ZSWIM2: variants seen among roughly 807,000 people sequenced by gnomAD.
ZSWIM2 encodes the protein zinc finger SWIM-type containing 2.
Under a neutral mutation model 48.4 loss-of-function variants are expected in ZSWIM2, and 38 were observed. That is an observed-to-expected ratio of 0.79 (90% CI 0.61 to 1.03). ZSWIM2 has a LOEUF of 1.03. ZSWIM2 is among the 50% of genes least tolerant of loss of function. The pLI is 0.00. For missense variants in ZSWIM2, 776 were observed against 730.2 expected (o/e 1.06, Z -0.72); for synonymous variants, 240 against 251.3 (o/e 0.96, Z 0.42).
intron 2 of ZSWIM2, 62 bp from the exon 3 acceptor site, chr2:186,844,819 T>C (rs1212625892): frequency 1.5e-6 from 2 of 1,316,638 alleles, no homozygotes; most frequent in East Asian, 5.1e-5. Flanking sequence ...TCAAAAGACA[T>C]TTAAAAATAT....
At position 186,848,986 on chromosome 2, in the gene ZSWIM2, G is replaced by T. The variant is rs781669313; in HGVS notation, c.145C>A (p.Pro49Thr). Residue 49 changes from proline (P) to threonine (T), a missense_variant, in exon 1 of 9, where the codon CCG (proline) becomes ACG (threonine). Coordinates refer to ENST00000295131, the MANE Select transcript of ZSWIM2 (RefSeq NM_182521.3). ...PTGFLLREEE[P>T]EYMDFRVFLG... The stretch of plus-strand genomic sequence containing the variant: ...GTTACTCGGAAATCCATGTATTCCG[G>T]CTCCTCCTCCCTCAGCAGGAAGCCA... The T allele has an allele frequency of 6.2e-7, 1 of 1,614,086 alleles. No individual in the cohort carries two copies. The highest frequency in any genetic ancestry group is 1.3e-5 in the African/African-American group (1 of 75,014).
chr2:186,835,593 A>G (rs1691779812), intron 5 of ZSWIM2, among the ~76,000 whole-genome samples: 1 of 152,174 alleles, frequency 6.6e-6, no homozygotes, highest in Non-Finnish European at 1.5e-5. Context: ...GCATCTCTGT[A>G]TTTTAACATA....
In ZSWIM2 at chr2:186,834,012, T is replaced by C. The variant is rs1421995268; in HGVS notation, c.762A>G (p.Glu254=). ...CAAAACATTCCTGGCATAAGTGATA[T>C]TCTATGCATTCGGTACACCTAAAAA... is the stretch of plus-strand genomic sequence containing the variant. ...GKCYKCTECI[E]YHLCQECFDS... Residue 254 remains glutamate (E), a synonymous_variant, in exon 6 of 9, where the codon GAA becomes GAG. Transcript: ENST00000295131. 6.2e-6 allele frequency: 10 copies of C among 1,611,598 alleles called. No individual in the cohort carries two copies. Among genetic ancestry groups the C allele is most frequent in the Non-Finnish European group, 8.5e-6 (10 of 1,178,366 alleles).
intron 2 of ZSWIM2, among the ~76,000 whole-genome samples, chr2:186,847,291 C>T (rs1339633941): frequency 6.6e-6 from 1 of 152,014 alleles, no homozygotes; most frequent in Admixed American, 6.6e-5. Context: ...AAGGTGAACA[C>T]TTTCAACCTA....
chr2:186,837,455 C>G lies in ZSWIM2; in HGVS notation c.594G>C (p.Arg198Ser). 10 of 1,612,654 alleles carry G rather than the reference C, an allele frequency of 6.2e-6. No homozygotes were observed. The highest frequency in any genetic ancestry group is 7.6e-6 in the Non-Finnish European group (9 of 1,179,208). The change falls in exon 5 of 9, where the codon AGG (arginine) becomes AGC (serine). Residue 198 changes from arginine to serine, a missense_variant. Coordinates refer to ENST00000295131, the MANE Select transcript of ZSWIM2 (RefSeq NM_182521.3). Reference protein sequence around the residue: ...NTSMLKCPLCRKEFAPLKLIL... With the variant: ...NTSMLKCPLCSKEFAPLKLIL... ...TCAGTTTTAATGGTGCAAACTCTTT[C>G]CTGCACAGAGGACATTTCAACATGG...
intron 3 of ZSWIM2, among the ~76,000 whole-genome samples, chr2:186,844,411 A>G (rs1691958540): frequency 6.6e-6 from 1 of 151,656 alleles, no homozygotes; most frequent in Non-Finnish European, 1.5e-5. Context: ...TTTTAGACAC[A>G]GAAACCACTG....
In ZSWIM2 at chr2:186,838,949, A is replaced by T. The variant is rs757647707; in HGVS notation, c.494+10T>A. The T allele has an allele frequency of 1.7e-5, 27 of 1,598,508 alleles. No individual in the cohort carries two copies. The highest frequency in any genetic ancestry group is 2.3e-5 in the Non-Finnish European group (27 of 1,172,986). ...ATTAGTTTTAAGAATCTAAAGAAAA[A>T]GTACATCACCTGCAAAAGGTGACAG... On this transcript the variant is annotated intron_variant, in intron 4 of 8. Coordinates refer to ENST00000295131, the MANE Select transcript of ZSWIM2 (RefSeq NM_182521.3).
chr2:186,841,710 T>A (rs1378218646), intron 3 of ZSWIM2, among the ~76,000 whole-genome samples: 1 of 151,292 alleles, frequency 6.6e-6, no homozygotes, highest in South Asian at 2.1e-4. Context: ...ACAGAGATTA[T>A]ATAGCATGAA....
At chr2:186,833,098 T>C (rs199926767) in intron 7 of ZSWIM2, 22 bp downstream of exon 7, 2 of 1,141,190 alleles carry the variant, frequency 1.8e-6, no homozygotes, top group East Asian at 2.6e-5. Context: ...ACAACAAATA[T>C]AAAATTTACT....
intron 3 of ZSWIM2, among the ~76,000 whole-genome samples, chr2:186,840,179 G>A (rs889219226): frequency 1.3e-5 from 2 of 151,370 alleles, no homozygotes; most frequent in Non-Finnish European, 3.0e-5. Context: ...ATTACTTTGC[G>A]GAAGAAGGGC....
intron 7 of ZSWIM2, among the ~76,000 whole-genome samples, chr2:186,830,387 GA>G (rs572611476): frequency 8.6e-5 from 13 of 151,666 alleles, no homozygotes; most frequent in Non-Finnish European, 1.6e-4. Flanking sequence ...ACCTCAAAGA[GA>G]AAAAAAAGTT....
intron 3 of ZSWIM2, among the ~76,000 whole-genome samples, chr2:186,842,698 T>G (rs559556895): frequency 4.6e-5 from 7 of 151,548 alleles, no homozygotes; most frequent in Admixed American, 6.6e-5. Flanking sequence ...AGAACTGCAC[T>G]GTTGAATATG....
At chr2:186,841,350 A>ATCTC (rs1691899169) in intron 3 of ZSWIM2, among the ~76,000 whole-genome samples, 1 of 2,330 alleles carries the variant, frequency 4.3e-4, no homozygotes, top group Non-Finnish European at 3.4e-3. Flanking sequence ...TATGCTGTTA[A>ATCTC]TATCTTTGTA....
rs768179687 is a variant in ZSWIM2 at position 186,844,738 on chromosome 2, T to C, written c.262A>G (p.Lys88Glu). Residue 88 changes from lysine (K) to glutamate (E), a missense_variant, in exon 3 of 9, where the codon AAG (lysine) becomes GAG (glutamate). Coordinates refer to ENST00000295131, the MANE Select transcript of ZSWIM2 (RefSeq NM_182521.3). Reference protein sequence around the residue: ...HICWVLLKKFKLPRNHESALQ... With the variant: ...HICWVLLKKFELPRNHESALQ... Reference sequence around the variant, plus strand: ...TTACATTCATGGTTCCTTGGAAGCTTGAATTTTTTCAACAAGACCCTAACA... The same window carrying C: ...TTACATTCATGGTTCCTTGGAAGCTCGAATTTTTTCAACAAGACCCTAACA... The C allele has an allele frequency of 3.8e-6, 6 of 1,562,430 alleles. No homozygotes were observed. The South Asian group carries it at 7.5e-5, about 20-fold the overall frequency.
At chr2:186,838,412 G>T (rs1335235793) in intron 4 of ZSWIM2, among the ~76,000 whole-genome samples, 1 of 148,486 alleles carries the variant, frequency 6.7e-6, no homozygotes, top group African/African-American at 2.5e-5. Context: ...ATAGAATTTT[G>T]AAAAACTAAA....
chr2:186,832,659 CTG>C (rs1198498155), intron 7 of ZSWIM2, among the ~76,000 whole-genome samples: 5 of 151,872 alleles, frequency 3.3e-5, no homozygotes, highest in African/African-American at 1.2e-4. Flanking sequence ...TTAAACATAA[CTG>C]ATGTCAGTTT....
At chr2:186,843,409 T>C (rs1315383143) in intron 3 of ZSWIM2, among the ~76,000 whole-genome samples, 1 of 151,614 alleles carries the variant, frequency 6.6e-6, no homozygotes, top group Non-Finnish European at 1.5e-5. Context: ...AAGTGCAAAG[T>C]TCAGGCATTG....
intron 2 of ZSWIM2, among the ~76,000 whole-genome samples, chr2:186,847,265 A>G (rs952721250): frequency 3.3e-5 from 5 of 152,110 alleles, no homozygotes; most frequent in African/African-American, 1.2e-4. Flanking sequence ...CTTGACTGCC[A>G]TAGGCCAATA....
In ZSWIM2 at chr2:186,849,106, A is replaced by T; in HGVS notation, c.25T>A (p.Ser9Thr). The part of the protein sequence containing the change: MLRRGYKA[S>T]ERRRHLSERL... The stretch of plus-strand genomic sequence containing the variant: ...TCGCTCAAGTGTCTTCGCCTTTCAG[A>T]GGCCTTATAGCCTCGGCGAAGCATG... Residue 9 changes from serine (S) to threonine (T), a missense_variant, in exon 1 of 9, where the codon TCT becomes ACT. Transcript: ENST00000295131. The T allele has an allele frequency of 6.2e-7, 1 of 1,613,566 alleles. No homozygotes were observed. The highest frequency in any genetic ancestry group is 8.5e-7 in the Non-Finnish European group (1 of 1,179,832).
Sources: allele counts gnomAD v4.1 joint callset (sites outside exome capture counted in the v4.1 genomes callset), GRCh38; gene constraint gnomAD v4.1.1; transcripts MANE v1.5; gene names NCBI Gene and HGNC (gene_info 2026-07-23, HGNC 2026-07-21).